LINC00237: variants seen among roughly 807,000 people sequenced by gnomAD.
The protein encoded by LINC00237 is long intergenic non-protein coding RNA 237.
intron 3 of LINC00237, among the ~76,000 whole-genome samples, chr20:21,087,285 G>T (rs2030725926): frequency 6.6e-6 from 1 of 151,952 alleles, no homozygotes; most frequent in Admixed American, 6.6e-5. Flanking sequence ...GCCACTATAT[G>T]CCAACAGATC....
intron 3 of LINC00237, among the ~76,000 whole-genome samples, chr20:21,086,625 ATATAG>A (rs1449093202): frequency 4.6e-4 from 10 of 21,692 alleles, no homozygotes; most frequent in African/African-American, 1.7e-3. Context: ...AGTATACTAT[ATATAG>A]TATACTATAT....
Position 21,101,950 on chromosome 20 carries a change from C to A in LINC00237, n.88+4321G>T, listed in dbSNP as rs1294596073. ...GGGGCGGCGATGGAGTAGCTCCGGG[C>A]TCTCCACGGACTCGATTGGACAGCC... is the stretch of plus-strand genomic sequence containing the variant. On this transcript the variant is annotated intron_variant and non_coding_transcript_variant, in intron 1 of 3. Coordinates refer to ENST00000691244, the Ensembl canonical transcript of LINC00237. This position sits in a 1 kb window ranked among gnomAD's most constrained non-coding sequence, Gnocchi z 4.3. Among the ~76,000 whole-genome samples, 1 of 152,232 alleles carries A rather than the reference C, an allele frequency of 6.6e-6. No individual in the cohort carries two copies. Among genetic ancestry groups the A allele is most frequent in the South Asian group, 2.1e-4 (1 of 4,832 alleles).
chr20:21,096,835 T>C (rs2030864594), intron 1 of LINC00237, among the ~76,000 whole-genome samples: 1 of 152,160 alleles, frequency 6.6e-6, no homozygotes, highest in African/African-American at 2.4e-5. Flanking sequence ...CCAAAGCAAA[T>C]AGCATAAGGC....
intron 2 of LINC00237, among the ~76,000 whole-genome samples, chr20:21,090,929 G>A (rs1490558428): frequency 1.3e-5 from 2 of 152,136 alleles, no homozygotes; most frequent in African/African-American, 4.8e-5. Flanking sequence ...CCGATATGTT[G>A]CTGGGTATCT....
intron 2 of LINC00237, among the ~76,000 whole-genome samples, chr20:21,091,064 T>C (rs866477041): frequency 3.3e-5 from 5 of 149,422 alleles, no homozygotes; most frequent in African/African-American, 5.1e-5. Context: ...TGTGTGCGTG[T>C]GTGTGTGTGT....
intron 1 of LINC00237, among the ~76,000 whole-genome samples, chr20:21,096,538 C>T (rs766898468): frequency 2.6e-5 from 4 of 152,184 alleles, no homozygotes; most frequent in Admixed American, 6.5e-5. Context: ...TAAATGATGA[C>T]GAGTGGCAGA....
intron 2 of LINC00237, among the ~76,000 whole-genome samples, chr20:21,089,019 GGAGACCCCAT>G (rs2030753241): frequency 6.6e-6 from 1 of 151,850 alleles, no homozygotes; most frequent in Non-Finnish European, 1.5e-5. Flanking sequence ...TTAAGTAATA[GGAGACCCCAT>G]GAGACACAGG....
intron 1 of LINC00237, chr20:21,093,953 G>A: frequency 6.6e-6 from 1 of 152,158 alleles, no homozygotes; most frequent in East Asian, 1.9e-4. Flanking sequence ...TCTCCAACAG[G>A]CAGTACTTGT....
chr20:21,091,291 T>C (rs191721671), intron 2 of LINC00237, among the ~76,000 whole-genome samples: 2 of 152,294 alleles, frequency 1.3e-5, no homozygotes, highest in Admixed American at 6.5e-5. Flanking sequence ...TGCTTACATA[T>C]AGGCCCGACG....
At chr20:21,098,304 C>G (rs1402245648) in intron 1 of LINC00237, among the ~76,000 whole-genome samples, 1 of 152,108 alleles carries the variant, frequency 6.6e-6, no homozygotes, top group Non-Finnish European at 1.5e-5. Context: ...TCATAAATAG[C>G]AGAGATCATT....
intron 2 of LINC00237, chr20:21,093,449 CACA>C (rs1040432459): frequency 1.3e-5 from 2 of 152,282 alleles, no homozygotes; most frequent in African/African-American, 4.8e-5. Context: ...CTACTAAAAA[CACA>C]ACAATACTTA....
chr20:21,090,722 AAGAC>A (rs1188382874), intron 2 of LINC00237, among the ~76,000 whole-genome samples: 1 of 152,152 alleles, frequency 6.6e-6, no homozygotes, highest in African/African-American at 2.4e-5. Context: ...GGTCATCAAA[AAGAC>A]AGCCGCTGCC....
rs529365602 is a variant in LINC00237, at chr20:21,097,981, C to G, written n.89-4129G>C. Among the ~76,000 whole-genome samples the G allele has an allele frequency of 3.3e-5, 5 of 152,290 alleles. No homozygotes were observed. In the South Asian group the frequency reaches 8.3e-4, roughly 25 times the overall value. ...ATAGTCAAAAATATAATACAAGCTC[C>G]CTGCCTTCTTGTTTAGTAGCCATTT... On this transcript the variant is annotated intron_variant and non_coding_transcript_variant, in intron 1 of 3. Coordinates refer to ENST00000691244, the Ensembl canonical transcript of LINC00237.
chr20:21,100,248 T>C (rs565138798), intron 1 of LINC00237, among the ~76,000 whole-genome samples: 317 of 151,930 alleles, frequency 2.1e-3, no homozygotes, highest in Non-Finnish European at 4.0e-3. Flanking sequence ...GTGGGAGGGG[T>C]ACAGGGGGCG....
intron 1 of LINC00237, among the ~76,000 whole-genome samples, chr20:21,100,246 G>A (rs1460241473): frequency 6.6e-6 from 1 of 152,222 alleles, no homozygotes; most frequent in Non-Finnish European, 1.5e-5. Context: ...GGGTGGGAGG[G>A]GTACAGGGGG....
chr20:21,099,521 C>T (rs59327174), intron 1 of LINC00237, among the ~76,000 whole-genome samples: 4,301 of 152,128 alleles, frequency 0.028, 188 homozygotes, highest in African/African-American at 0.098. Flanking sequence ...TCCCTATCCC[C>T]ATCCAGCCCC....
At chr20:21,106,122 C>T (rs78291488) in intron 1 of LINC00237, 2,419 of 152,574 alleles carry the variant, frequency 0.016, 25 homozygotes, top group Middle Eastern at 0.048. Context: ...CAGCCTTCCA[C>T]GCGCCTTTGC....
exon 4 of LINC00237, among the ~76,000 whole-genome samples, chr20:21,085,797 T>C (rs1168552267): frequency 1.3e-5 from 2 of 152,176 alleles, no homozygotes; most frequent in Admixed American, 6.5e-5. Context: ...ATGTGTACTT[T>C]GCAATATTTA....
chr20:21,090,835 A>G (rs1360255951), intron 2 of LINC00237, among the ~76,000 whole-genome samples: 1 of 152,092 alleles, frequency 6.6e-6, no homozygotes, highest in East Asian at 1.9e-4. Context: ...TGAATTGTTT[A>G]CAAGTGTCTT....
Sources: gnomAD v4.1 joint callset for allele counts (sites outside exome capture counted in the v4.1 genomes callset) on GRCh38, gnomAD v4.1.1 for gene constraint, Gnocchi (gnomAD v3.1) non-coding constraint, MANE v1.5 for transcripts, NCBI Gene and HGNC (gene_info 2026-07-23, HGNC 2026-07-21) for gene names.